The following CCDC68 variants were observed in gnomAD, a reference collection of about 807,000 sequenced individuals.
CCDC68 encodes coiled-coil domain containing 68.
A neutral mutation model predicts 47.1 loss-of-function variants in CCDC68; 45 were observed. That is an observed-to-expected ratio of 0.96 (90% CI 0.75 to 1.23). The LOEUF is 1.23. Among genes scored for constraint, CCDC68 ranks in the 50% most tolerant of loss-of-function variants. The pLI, the probability that CCDC68 is intolerant of heterozygous loss-of-function variation, is 0.00. For synonymous variants in CCDC68, 131 were observed against 129.5 expected, an observed-to-expected ratio of 1.01 and a Z score of -0.08; for missense variants, 353 against 373.6, an observed-to-expected ratio of 0.94 and a Z score of 0.45.
intron 1 of CCDC68, among the ~76,000 whole-genome samples, chr18:54,956,659 A>G (rs1416156233): frequency 6.6e-6 from 1 of 152,232 alleles, no homozygotes; most frequent in Non-Finnish European, 1.5e-5. Flanking sequence ...GCCAGATGCT[A>G]AAGACTATAT....
chr18:54,955,317 C>T (rs998758596), intron 1 of CCDC68, among the ~76,000 whole-genome samples: 4 of 152,054 alleles, frequency 2.6e-5, no homozygotes, highest in African/African-American at 9.7e-5. Context: ...AGAATACAAC[C>T]CCGTCTTGAA....
chr18:54,930,174 GC>G (rs971456593), intron 7 of CCDC68, among the ~76,000 whole-genome samples: 1 of 152,042 alleles, frequency 6.6e-6, no homozygotes, highest in African/African-American at 2.4e-5. Flanking sequence ...TCTCCAAAAT[GC>G]CTATAAATGG....
intron 1 of CCDC68, among the ~76,000 whole-genome samples, chr18:54,951,359 G>C (rs530988327): frequency 6.6e-6 from 1 of 152,202 alleles, no homozygotes; most frequent in Non-Finnish European, 1.5e-5. Flanking sequence ...ATCTGGAGAA[G>C]AGTGGGAAGG....
chr18:54,940,770 G>A (rs758817209), intron 4 of CCDC68, among the ~76,000 whole-genome samples: 1 of 152,154 alleles, frequency 6.6e-6, no homozygotes, highest in East Asian at 1.9e-4. Flanking sequence ...ATTTACTTTC[G>A]ATAAGTAAGC....
At chr18:54,934,694 G>C in intron 7 of CCDC68, 126 bp downstream of exon 7, 1 of 707,798 alleles carries the variant, frequency 1.4e-6, no homozygotes, top group Admixed American at 4.2e-5. Flanking sequence ...GCCAAGAATT[G>C]TAAAGAATAC....
At chr18:54,951,398 A>T (rs8093572) in intron 1 of CCDC68, among the ~76,000 whole-genome samples, 89,588 of 151,972 alleles carry the variant, frequency 0.59, 26,595 homozygotes, top group East Asian at 0.68. Context: ...AGTGAGGACT[A>T]TATGCCAGGT....
At chr18:54,943,140 A>C in intron 2 of CCDC68, among the ~76,000 whole-genome samples, 1 of 152,208 alleles carries the variant, frequency 6.6e-6, no homozygotes, top group African/African-American at 2.4e-5. Flanking sequence ...TTGTAAGTAC[A>C]TAATAAATGT....
intron 7 of CCDC68, among the ~76,000 whole-genome samples, chr18:54,930,693 T>TCC (rs1477547216): frequency 1.2e-5 from 1 of 80,520 alleles, no homozygotes; most frequent in Non-Finnish European, 2.4e-5. Context: ...CCTCCCTCCC[T>TCC]CCCTCTCTCT....
intron 11 of CCDC68, among the ~76,000 whole-genome samples, chr18:54,907,102 T>C (rs1469463746): frequency 6.6e-6 from 1 of 152,212 alleles, no homozygotes; most frequent in Non-Finnish European, 1.5e-5. Flanking sequence ...TTTTGAATGA[T>C]ACATATAATT....
At chr18:54,916,398 G>A (rs1302977404) in intron 10 of CCDC68, among the ~76,000 whole-genome samples, 1 of 152,124 alleles carries the variant, frequency 6.6e-6, no homozygotes, top group African/African-American at 2.4e-5. Flanking sequence ...TCTGTTTGGG[G>A]AAAGCAGAAA....
chr18:54,917,440 T>C (rs1426820228), intron 10 of CCDC68, among the ~76,000 whole-genome samples: 1 of 152,174 alleles, frequency 6.6e-6, no homozygotes, highest in Non-Finnish European at 1.5e-5. Context: ...AGAGAAGTTA[T>C]CATCTGCCTC....
chr18:54,904,495 C>T, intron 11 of CCDC68, 80 bp from the exon 12 acceptor site: 3 of 1,080,744 alleles, frequency 2.8e-6, no homozygotes, highest in South Asian at 1.3e-5. Context: ...TACTCAACTA[C>T]CACAATACTA....
At chr18:54,908,074 AG>A (rs1443910372) in intron 10 of CCDC68, among the ~76,000 whole-genome samples, 2 of 152,238 alleles carry the variant, frequency 1.3e-5, no homozygotes, top group African/African-American at 4.8e-5. Flanking sequence ...TAATTTACCA[AG>A]GGACTAAAAT....
chr18:54,950,897 C>CTTTTTTTTTTT (rs869026740), intron 1 of CCDC68, among the ~76,000 whole-genome samples: 3 of 61,960 alleles, frequency 4.8e-5, no homozygotes, highest in African/African-American at 6.8e-5. Context: ...ATTCAGATGT[C>CTTTTTTTTTTT]TTTTTTTTTT....
intron 8 of CCDC68, among the ~76,000 whole-genome samples, chr18:54,925,217 C>T (rs1201333030): frequency 2.0e-5 from 3 of 152,122 alleles, no homozygotes; most frequent in African/African-American, 7.2e-5. Context: ...ATCCATGGGC[C>T]TAATTTTGTA....
rs559865798 is a variant in CCDC68 at position 54,949,572 on chromosome 18, C to T, written c.-102-4095G>A. On this transcript the variant is annotated intron_variant, in intron 1 of 11. Transcript: ENST00000591504. ...GAAGGGACAATGAAGTCTGATTGAC[C>T]GCACAGAGGTATTCACTCACGTCTG... Among the ~76,000 whole-genome samples, 4 of 152,270 alleles carry T rather than the reference C, an allele frequency of 2.6e-5. No individual in the cohort carries two copies. In the East Asian group the frequency reaches 7.7e-4, roughly 29 times the overall value.
chr18:54,941,987 G>A (rs1039097240), intron 3 of CCDC68, among the ~76,000 whole-genome samples: 4 of 151,978 alleles, frequency 2.6e-5, no homozygotes, highest in Non-Finnish European at 4.4e-5. Flanking sequence ...AAGTAGAGAC[G>A]GGATTTCTCC....
intron 1 of CCDC68, among the ~76,000 whole-genome samples, chr18:54,948,756 C>G (rs2044567044): frequency 6.6e-6 from 1 of 152,036 alleles, no homozygotes; most frequent in South Asian, 2.1e-4. Context: ...TAGAGGGAGT[C>G]TAAGGGAGGC....
rs764724814 is a variant in CCDC68 at position 54,938,077 on chromosome 18, C to G, written c.225G>C (p.Gln75His). Residue 75 changes from glutamine (Q) to histidine (H), a missense_variant, in exon 5 of 12, where the codon CAG (glutamine) becomes CAC (histidine). By Grantham distance (24) the Gln-to-His change is conservative (BLOSUM62 0). Coordinates refer to ENST00000591504, the MANE Select transcript of CCDC68 (RefSeq NM_025214.3). Reference sequence around the variant, plus strand: ...AAGGATCCATTTCAGAATCAGAGCCCTGTTGAAGGTTTCCACAGTGCTGAA... The same window carrying G: ...AAGGATCCATTTCAGAATCAGAGCCGTGTTGAAGGTTTCCACAGTGCTGAA... ...LDAKHCGNLQ[Q>H]GSDSEMDPSC... 6.2e-7 allele frequency: 1 copy of G among 1,613,526 alleles called. No homozygotes were observed. The highest frequency in any genetic ancestry group is 8.5e-7 in the Non-Finnish European group (1 of 1,179,746).
Sources: allele counts gnomAD v4.1 joint callset (sites outside exome capture counted in the v4.1 genomes callset), GRCh38; gene constraint gnomAD v4.1.1; transcripts MANE v1.5; gene names NCBI Gene and HGNC (gene_info 2026-07-23, HGNC 2026-07-21).